Variants in ASB15 observed in about 807,000 individuals in gnomAD.
The protein encoded by ASB15 is ankyrin repeat and SOCS box protein 15.
In ASB15, 54 loss-of-function variants were observed where a neutral mutation model predicts 58.0. The observed-to-expected ratio is 0.93, with a 90% CI of 0.75 to 1.17. ASB15 has a LOEUF of 1.17. ASB15 is among the 50% of genes most tolerant of loss of function. ASB15 has a pLI of 0.00. For missense variants in ASB15, 680 were observed against 707.4 expected (o/e 0.96, Z 0.44); for synonymous variants, 249 against 262.4 (o/e 0.95, Z 0.50).
At chr7:123,572,344 T>C (rs905864046) in intron 1 of ASB15, among the ~76,000 whole-genome samples, 27 of 151,796 alleles carry the variant, frequency 1.8e-4, no homozygotes, top group Non-Finnish European at 3.4e-4. Context: ...TTTCACCATG[T>C]TGGCCAGGAC....
At position 123,624,568 on chromosome 7, in the gene ASB15, G is replaced by T; in HGVS notation, c.452-1G>T. ...TGTTGTTTTTAACAATCATTTTCAA[G>T]CTGTGAAAAAGGGCTCCTATGACAT... On this transcript the variant is annotated splice_acceptor_variant, in intron 7 of 11. Coordinates refer to ENST00000451215, the MANE Select transcript of ASB15 (RefSeq NM_001290258.2). LOFTEE classifies it high-confidence loss of function. 6.2e-7 allele frequency: 1 copy of T among 1,610,586 alleles called. No homozygotes were observed. The highest frequency in any genetic ancestry group is 8.5e-7 in the Non-Finnish European group (1 of 1,176,900).
intron 1 of ASB15, among the ~76,000 whole-genome samples, chr7:123,603,328 T>G (rs1225330690): frequency 6.6e-6 from 1 of 152,166 alleles, no homozygotes; most frequent in Non-Finnish European, 1.5e-5. Flanking sequence ...AAAAAAATAA[T>G]CACTAAGAAT....
At chr7:123,614,465 A>G in intron 3 of ASB15, 36 bp from the exon 4 acceptor site, 1 of 1,328,542 alleles carries the variant, frequency 7.5e-7, no homozygotes, top group Non-Finnish European at 1.1e-6. Context: ...CCATTTCTTG[A>G]TAATAAGAAC....
intron 1 of ASB15, among the ~76,000 whole-genome samples, chr7:123,575,807 T>C (rs1799047342): frequency 1.4e-5 from 2 of 143,066 alleles, no homozygotes; most frequent in Admixed American, 1.5e-4. Flanking sequence ...CCTGGCAGCA[T>C]GAAGTTTTCT....
At chr7:123,604,572 A>C (rs1486344090) in intron 2 of ASB15, among the ~76,000 whole-genome samples, 2 of 144,034 alleles carry the variant, frequency 1.4e-5, no homozygotes, top group African/African-American at 2.5e-5. Flanking sequence ...ACAGAAGGAG[A>C]CTCTGTCTAA....
chr7:123,596,932 C>T (rs1799710929), upstream of ASB15, among the ~76,000 whole-genome samples: 1 of 152,088 alleles, frequency 6.6e-6, no homozygotes, highest in South Asian at 2.1e-4. Context: ...TATAATTAGG[C>T]TTGGTTTATA....
chr7:123,571,421 CTTTCA>C (rs1798903718), intron 1 of ASB15, among the ~76,000 whole-genome samples: 1 of 152,148 alleles, frequency 6.6e-6, no homozygotes, highest in African/African-American at 2.4e-5. Context: ...AATATTTGGA[CTTTCA>C]TTTCATTAAT....
Position 123,638,727 on chromosome 7 carries a change from CT to C in ASB15, c.*1753del, listed in dbSNP as rs1562947147. ...TCTCTCATCTGGAACTCTCTTTCCG[CT>C]TTTTTTGCACCCTTTCACCTGATCA... On this transcript the variant is annotated 3_prime_UTR_variant, in exon 12 of 12. Transcript: ENST00000451215. 6.6e-6 allele frequency: 1 copy of C among 152,300 alleles called. No homozygotes were observed. The highest frequency in any genetic ancestry group is 1.5e-5 in the Non-Finnish European group (1 of 68,094). 9.4% of individuals were successfully genotyped at this position (152,300 alleles called of 1,614,324 possible).
chr7:123,606,471 G>C (rs1195820969), intron 2 of ASB15, among the ~76,000 whole-genome samples: 4 of 152,022 alleles, frequency 2.6e-5, no homozygotes, highest in Non-Finnish European at 4.4e-5. Flanking sequence ...CACTTTTCTT[G>C]TTGTTACTGG....
chr7:123,605,997 TA>T (rs201132636), intron 2 of ASB15, among the ~76,000 whole-genome samples: 2,576 of 152,064 alleles, frequency 0.017, 75 homozygotes, highest in African/African-American at 0.059. Context: ...AAATGAAAGT[TA>T]AAAAAAATAA....
intron 11 of ASB15, among the ~76,000 whole-genome samples, chr7:123,633,614 A>AGTGTGT (rs78550048): frequency 5.3e-5 from 8 of 150,706 alleles, no homozygotes; most frequent in South Asian, 2.1e-4. Context: ...GATTATGCTG[A>AGTGTGT]GTGTGTGTGT....
At chr7:123,634,356 C>T (rs1802303046) in intron 11 of ASB15, among the ~76,000 whole-genome samples, 1 of 152,314 alleles carries the variant, frequency 6.6e-6, no homozygotes, top group African/African-American at 2.4e-5. Context: ...CCAAATCCAT[C>T]CATGTCCCTG....
intron 1 of ASB15, among the ~76,000 whole-genome samples, chr7:123,593,742 G>A (rs1323454032): frequency 6.6e-6 from 1 of 151,968 alleles, no homozygotes; most frequent in East Asian, 1.9e-4. Flanking sequence ...TGGTGAATCT[G>A]AACACTTATG....
intron 1 of ASB15, among the ~76,000 whole-genome samples, chr7:123,589,059 G>C (rs1219300330): frequency 1.3e-5 from 2 of 151,636 alleles, no homozygotes; most frequent in Non-Finnish European, 2.9e-5. Flanking sequence ...GCATATGTCT[G>C]TTAGGTTCAT....
chr7:123,602,692 T>A (rs780991307), intron 1 of ASB15, among the ~76,000 whole-genome samples: 24 of 152,250 alleles, frequency 1.6e-4, no homozygotes, highest in Non-Finnish European at 3.1e-4. Flanking sequence ...CTACAAGTTT[T>A]ATATTTCCCC....
At chr7:123,613,655 G>T (rs559394602) in intron 3 of ASB15, among the ~76,000 whole-genome samples, 1 of 152,084 alleles carries the variant, frequency 6.6e-6, no homozygotes, top group Non-Finnish European at 1.5e-5. Context: ...GCTGGTTTCC[G>T]GTCTATGGAT....
chr7:123,585,346 CT>C (rs1799347519), intron 1 of ASB15, among the ~76,000 whole-genome samples: 2 of 151,742 alleles, frequency 1.3e-5, no homozygotes, highest in South Asian at 2.1e-4. Context: ...CTTCCTCCCC[CT>C]ATTCCCTAAA....
upstream of ASB15, among the ~76,000 whole-genome samples, chr7:123,597,398 G>A (rs1393445292): frequency 6.6e-6 from 1 of 152,146 alleles, no homozygotes; most frequent in Non-Finnish European, 1.5e-5. Flanking sequence ...TTCATTATTA[G>A]TATTGTTGTT....
At chr7:123,579,556 G>A (rs2116311497) in intron 1 of ASB15, among the ~76,000 whole-genome samples, 1 of 152,130 alleles carries the variant, frequency 6.6e-6, no homozygotes, top group South Asian at 2.1e-4. Flanking sequence ...CTGCCCCACT[G>A]TAGCCTGAGG....
Sources: allele counts gnomAD v4.1 joint callset (sites outside exome capture counted in the v4.1 genomes callset), GRCh38; gene constraint gnomAD v4.1.1; transcripts MANE v1.5; gene names NCBI Gene and HGNC (gene_info 2026-07-23, HGNC 2026-07-21).